CABCOCO1: variants seen among roughly 807,000 people sequenced by gnomAD.
CABCOCO1 encodes the protein ciliary-associated calcium-binding coiled-coil protein 1.
In CABCOCO1, 28 loss-of-function variants were observed where a neutral mutation model predicts 35.7. That is an observed-to-expected ratio of 0.78 (90% CI 0.58 to 1.07). The LOEUF is 1.07. Among genes scored for constraint, CABCOCO1 ranks in the 50% least tolerant of loss-of-function variants. The probability of loss-of-function intolerance (pLI) is 0.00; values close to 1 mark genes in which losing one functional copy is unlikely to be tolerated. For missense variants in CABCOCO1, 326 were observed against 309.2 expected, an observed-to-expected ratio of 1.05 and a Z score of -0.41; for synonymous variants, 95 against 100.1, an observed-to-expected ratio of 0.95 and a Z score of 0.30.
In CABCOCO1 at chr10:61,765,936, C is replaced by G. The variant is rs757947545; in HGVS notation, c.817-3C>G. ...ACCACGTTTTTTATGATTGTCTTCA[C>G]AGACCGAGATAAACGAAAAACTGCA... On this transcript the variant is annotated splice_polypyrimidine_tract_variant and splice_region_variant and intron_variant, in intron 7 of 7. Transcript: ENST00000648843. The G allele has an allele frequency of 5.0e-6, 8 of 1,611,560 alleles. No individual in the cohort carries two copies. The highest frequency in any genetic ancestry group is 6.8e-6 in the Non-Finnish European group (8 of 1,178,760).
intron 1 of CABCOCO1, among the ~76,000 whole-genome samples, chr10:61,666,975 A>G (rs12254806): frequency 3.5e-5 from 5 of 141,604 alleles, no homozygotes; most frequent in Non-Finnish European, 7.7e-5. Context: ...TATATATTAT[A>G]TATAAATATA....
At chr10:61,729,872 A>C (rs927450658) in intron 5 of CABCOCO1, among the ~76,000 whole-genome samples, 3 of 152,148 alleles carry the variant, frequency 2.0e-5, no homozygotes, top group Non-Finnish European at 2.9e-5. Context: ...AGAAAGGCAA[A>C]TTCTGTATGA....
At chr10:61,761,033 CTT>C in intron 7 of CABCOCO1, 30 bp downstream of exon 7, 1 of 1,605,458 alleles carries the variant, frequency 6.2e-7, no homozygotes, top group Non-Finnish European at 8.5e-7. Context: ...TGCTCACTTA[CTT>C]TATTACTGGT....
intron 5 of CABCOCO1, among the ~76,000 whole-genome samples, chr10:61,738,032 AC>A (rs753153376): frequency 2.0e-5 from 3 of 151,128 alleles, no homozygotes; most frequent in Non-Finnish European, 4.4e-5. Context: ...ATACAAAAAA[AC>A]AATAAATAAA....
At chr10:61,696,794 C>T (rs908189189) in intron 5 of CABCOCO1, among the ~76,000 whole-genome samples, 4 of 152,038 alleles carry the variant, frequency 2.6e-5, no homozygotes, top group African/African-American at 9.7e-5. Flanking sequence ...GTGTGAGCCA[C>T]TGATTCCAGC....
At chr10:61,763,869 C>T (rs903208903) in intron 7 of CABCOCO1, among the ~76,000 whole-genome samples, 6 of 151,480 alleles carry the variant, frequency 4.0e-5, no homozygotes, top group Non-Finnish European at 8.8e-5. Context: ...TGAAGAATGA[C>T]AAGGAAACAC....
intron 5 of CABCOCO1, among the ~76,000 whole-genome samples, chr10:61,720,873 A>G (rs1329077858): frequency 7.8e-6 from 1 of 127,932 alleles, no homozygotes; most frequent in East Asian, 2.5e-4. Context: ...GTTAGATTGT[A>G]TTGCTGGTCA....
chr10:61,723,574 C>G (rs1841074284), intron 5 of CABCOCO1, among the ~76,000 whole-genome samples: 1 of 152,136 alleles, frequency 6.6e-6, no homozygotes, highest in Non-Finnish European at 1.5e-5. Flanking sequence ...CCTCACAGTT[C>G]TGGAGTCTGG....
intron 5 of CABCOCO1, among the ~76,000 whole-genome samples, chr10:61,703,329 C>G (rs1397570045): frequency 9.9e-5 from 15 of 151,250 alleles, no homozygotes; most frequent in Admixed American, 7.9e-4. Context: ...TTTTTTTCGC[C>G]CCTATTCAAT....
intron 7 of CABCOCO1, 140 bp downstream of exon 7, chr10:61,761,143 T>C: frequency 1.2e-6 from 1 of 868,736 alleles, no homozygotes; most frequent in Non-Finnish European, 1.7e-6. Context: ...CTTCACATAA[T>C]TCTCAGTTGA....
chr10:61,665,152 T>A lies in CABCOCO1; in HGVS notation c.60+2120T>A, dbSNP rs912147167. ...CCAATACCTAGAATAGAAGTAATTATCCCAATAACATAGTAGGCACTCAAT... is the reference window on the plus strand; with the variant it reads ...CCAATACCTAGAATAGAAGTAATTAACCCAATAACATAGTAGGCACTCAAT... On this transcript the variant is annotated intron_variant, in intron 1 of 7. Coordinates refer to ENST00000648843, the MANE Select transcript of CABCOCO1 (RefSeq NM_001366906.2). Among the ~76,000 whole-genome samples the A allele has an allele frequency of 3.3e-5, 5 of 152,294 alleles. No homozygotes were observed. In the East Asian group the frequency reaches 5.8e-4, roughly 18 times the overall value.
intron 1 of CABCOCO1, among the ~76,000 whole-genome samples, chr10:61,668,277 C>T (rs1424377452): frequency 2.0e-5 from 3 of 151,844 alleles, no homozygotes; most frequent in African/African-American, 7.2e-5. Flanking sequence ...ATAATTTTTA[C>T]ATCTGCATTG....
At chr10:61,751,039 G>A (rs966915494) in intron 5 of CABCOCO1, among the ~76,000 whole-genome samples, 23 of 152,040 alleles carry the variant, frequency 1.5e-4, no homozygotes, top group African/African-American at 4.8e-4. Flanking sequence ...GGGCGATGAC[G>A]AGAAACTTCA....
intron 1 of CABCOCO1, among the ~76,000 whole-genome samples, chr10:61,666,991 A>G (rs1564527352): frequency 7.0e-6 from 1 of 142,038 alleles, no homozygotes; most frequent in Non-Finnish European, 1.5e-5. Context: ...ATATAATTAT[A>G]TATTATATAT....
At chr10:61,683,250 A>C (rs1172058842) in intron 3 of CABCOCO1, among the ~76,000 whole-genome samples, 2 of 152,140 alleles carry the variant, frequency 1.3e-5, no homozygotes, top group African/African-American at 4.8e-5. Flanking sequence ...GTATTGCAGT[A>C]TTCTCATTTT....
chr10:61,703,427 T>C (rs1840513260), intron 5 of CABCOCO1, among the ~76,000 whole-genome samples: 1 of 152,086 alleles, frequency 6.6e-6, no homozygotes, highest in South Asian at 2.1e-4. Flanking sequence ...AGCTAACAAA[T>C]GAACCCAGTT....
intron 5 of CABCOCO1, among the ~76,000 whole-genome samples, chr10:61,727,983 G>A (rs1467641934): frequency 3.3e-5 from 5 of 152,164 alleles, no homozygotes; most frequent in African/African-American, 1.2e-4. Context: ...ATTTACATTA[G>A]CATCTGTTAC....
chr10:61,765,919 T>C lies in CABCOCO1; in HGVS notation c.817-20T>C. 6.2e-7 allele frequency: 1 copy of C among 1,605,672 alleles called. No homozygotes were observed. The highest frequency in any genetic ancestry group is 8.5e-7 in the Non-Finnish European group (1 of 1,173,576). The stretch of plus-strand genomic sequence containing the variant: ...AAGATAGCTCCATCATAACCACGTT[T>C]TTTATGATTGTCTTCACAGACCGAG... On this transcript the variant is annotated intron_variant, in intron 7 of 7. Transcript: ENST00000648843.
intron 5 of CABCOCO1, among the ~76,000 whole-genome samples, chr10:61,737,369 A>C (rs1283096346): frequency 1.3e-5 from 2 of 152,180 alleles, no homozygotes; most frequent in Admixed American, 1.3e-4. Flanking sequence ...AAATTAGTTC[A>C]ATCATTGTGG....
Sources: allele counts gnomAD v4.1 joint callset (sites outside exome capture counted in the v4.1 genomes callset), GRCh38; gene constraint gnomAD v4.1.1; transcripts MANE v1.5; gene names NCBI Gene and HGNC (gene_info 2026-07-23, HGNC 2026-07-21).